RFX8: variants seen among roughly 807,000 people sequenced by gnomAD.
The protein encoded by RFX8 is DNA-binding protein RFX8.
In RFX8, 46 loss-of-function variants were observed where a neutral mutation model predicts 54.6. That is an observed-to-expected ratio of 0.84 (90% confidence interval 0.67 to 1.08). RFX8 has a LOEUF of 1.08. RFX8 is among the 50% of genes least tolerant of loss of function. RFX8 has a pLI of 0.00. For synonymous variants in RFX8, 192 were observed against 209.5 expected (o/e 0.92, Z 0.72); for missense variants, 536 against 562.3 (o/e 0.95, Z 0.47).
intron 9 of RFX8, among the ~76,000 whole-genome samples, chr2:101,406,663 G>C (rs932378641): frequency 2.0e-5 from 3 of 152,120 alleles, no homozygotes; most frequent in Non-Finnish European, 2.9e-5. Flanking sequence ...TTAAAAAAGA[G>C]GTCACTTGTG....
chr2:101,419,722 GTCA>G (rs1430739829), intron 4 of RFX8, among the ~76,000 whole-genome samples: 1 of 152,242 alleles, frequency 6.6e-6, no homozygotes, highest in Non-Finnish European at 1.5e-5. Context: ...CCATGCCTAG[GTCA>G]TCATGGAAGT....
intron 2 of RFX8, among the ~76,000 whole-genome samples, chr2:101,455,981 G>A (rs771156312): frequency 6.6e-6 from 1 of 152,104 alleles, no homozygotes; most frequent in Non-Finnish European, 1.5e-5. Flanking sequence ...TGTAGCAATT[G>A]TGTATGGGAG....
chr2:101,403,449 A>C (rs917291491), intron 10 of RFX8, among the ~76,000 whole-genome samples: 2 of 152,206 alleles, frequency 1.3e-5, no homozygotes, highest in African/African-American at 4.8e-5. Context: ...TTAAAAGATA[A>C]GTTTTAAATA....
chr2:101,456,121 A>G (rs2148979949), intron 2 of RFX8, among the ~76,000 whole-genome samples: 2 of 152,288 alleles, frequency 1.3e-5, no homozygotes, highest in Admixed American at 1.3e-4. Flanking sequence ...GGCTGAGAAG[A>G]TGGGGTTTTC....
At chr2:101,423,841 C>A (rs1010232433) in intron 2 of RFX8, among the ~76,000 whole-genome samples, 2 of 152,134 alleles carry the variant, frequency 1.3e-5, no homozygotes, top group African/African-American at 4.8e-5. Context: ...CTGTGTTTTC[C>A]TCCTCTCCGA....
At chr2:101,466,577 T>G (rs1054039122) in intron 2 of RFX8, among the ~76,000 whole-genome samples, 200 bp downstream of exon 2, 10 of 152,180 alleles carry the variant, frequency 6.6e-5, no homozygotes, top group Admixed American at 2.0e-4. Context: ...GGCCCCTCAC[T>G]ATGAAGTGTG....
intron 2 of RFX8, among the ~76,000 whole-genome samples, chr2:101,446,217 C>T (rs980438337): frequency 3.9e-5 from 6 of 152,040 alleles, no homozygotes; most frequent in African/African-American, 1.4e-4. Context: ...ACTCTGTCAC[C>T]CAGGCTGGAG....
Position 101,417,612 on chromosome 2 carries a change from A to C in RFX8, c.424T>G (p.Phe142Val). ...SIQYLKSVQL[F>V]SKKFKLWLLN... ...AGCCACAGCTTAAATTTCTTACTAA[A>C]TAACTGCACAGATTTCAGGTACTGA... Residue 142 changes from phenylalanine to valine, a missense_variant, in exon 6 of 12, where the codon TTT (phenylalanine) becomes GTT (valine). Transcript: ENST00000428343. 1 of 1,551,648 alleles carries C rather than the reference A, an allele frequency of 6.4e-7. No individual in the cohort carries two copies. Among genetic ancestry groups the C allele is most frequent in the Non-Finnish European group, 8.7e-7 (1 of 1,146,830 alleles).
At chr2:101,472,214 C>A (rs966425389) in intron 1 of RFX8, among the ~76,000 whole-genome samples, 6 of 152,188 alleles carry the variant, frequency 3.9e-5, no homozygotes, top group African/African-American at 1.4e-4. Flanking sequence ...GATTCTTCTG[C>A]CTCAGCCTTC....
At chr2:101,417,993 C>G (rs927312811) in intron 5 of RFX8, among the ~76,000 whole-genome samples, 1 of 152,150 alleles carries the variant, frequency 6.6e-6, no homozygotes, top group Non-Finnish European at 1.5e-5. Flanking sequence ...CGGGTTCAAG[C>G]GATTCCCTAC....
intron 2 of RFX8, among the ~76,000 whole-genome samples, chr2:101,435,283 C>T (rs7602021): frequency 0.73 from 111,729 of 152,142 alleles, 42,477 homozygotes; most frequent in Middle Eastern, 0.88. Flanking sequence ...TAAAGCCGAG[C>T]TGAAAAAGCT....
rs200668088 is a variant in RFX8, at chr2:101,402,445, C to T, written c.1236G>A (p.Met412Ile). Residue 412 changes from methionine to isoleucine, a missense_variant, in exon 11 of 12, where the codon ATG (methionine) becomes ATA (isoleucine). By Grantham distance (10) the Met-to-Ile change is conservative (BLOSUM62 1). Transcript: ENST00000428343. ...GTCCTGGTGTCCCTACCTTATTGCC[C>T]ATGGCAGTGTCCACCAGGAAGCCCA... ...RILGFLVDTA[M>I]GNKLIQVLLE... 4,539 of 1,547,782 alleles carry T rather than the reference C, an allele frequency of 2.9e-3. 7 individuals carry two copies. Among genetic ancestry groups the T allele is most frequent in the Non-Finnish European group, 3.5e-3 (3,979 of 1,143,782 alleles).
In RFX8 at chr2:101,424,351, T is replaced by TAA. The variant is rs1687050269; in HGVS notation, c.73-1881_73-1880dup. Among the ~76,000 whole-genome samples, 2 of 152,154 alleles carry TAA rather than the reference T, an allele frequency of 1.3e-5. 1 individual carries two copies. Among genetic ancestry groups the TAA allele is most frequent in the African/African-American group, 4.8e-5 (2 of 41,414 alleles). On this transcript the variant is annotated intron_variant, in intron 2 of 11. Coordinates refer to ENST00000428343, the MANE Select transcript of RFX8 (RefSeq NM_001145664.2). The stretch of plus-strand genomic sequence containing the variant: ...TCACACCAGTTAGAATGGTGATCAT[T>TAA]AAAAAGTCAGGAAACAACAGGTGCT...
In RFX8 at chr2:101,436,095, G is replaced by A. The variant is rs975028347; in HGVS notation, c.73-13623C>T. On this transcript the variant is annotated intron_variant, in intron 2 of 11. Coordinates refer to ENST00000428343, the MANE Select transcript of RFX8 (RefSeq NM_001145664.2). ...CCCTCTTCTCCCCTCCCCAGCAGACGGGTGTGGAGGGAGGAGCGGGATGTG... is the reference window on the plus strand; with the variant it reads ...CCCTCTTCTCCCCTCCCCAGCAGACAGGTGTGGAGGGAGGAGCGGGATGTG... Among the ~76,000 whole-genome samples the A allele has an allele frequency of 7.2e-5, 11 of 152,278 alleles. 1 individual carries two copies. The highest frequency in any genetic ancestry group is 7.3e-5 in the Non-Finnish European group (5 of 68,036).
intron 1 of RFX8, among the ~76,000 whole-genome samples, chr2:101,469,130 ATATATAAG>A (rs1475176280): frequency 2.6e-4 from 35 of 133,904 alleles, no homozygotes; most frequent in African/African-American, 8.6e-4. Context: ...ATAAGTATAT[ATATATAAG>A]TATATATATA....
At chr2:101,400,777 T>C (rs1313991156) in intron 11 of RFX8, among the ~76,000 whole-genome samples, 2 of 152,186 alleles carry the variant, frequency 1.3e-5, no homozygotes, top group Non-Finnish European at 2.9e-5. Context: ...CAGCCCAGCA[T>C]GAATGCTGGC....
At chr2:101,415,056 C>T in intron 6 of RFX8, 144 bp from the exon 7 acceptor site, 1 of 621,892 alleles carries the variant, frequency 1.6e-6, no homozygotes, top group Non-Finnish European at 2.9e-6. Context: ...TGCTGGCCCT[C>T]TCTGAGTGGC....
At chr2:101,416,414 A>G (rs1380386651) in intron 6 of RFX8, among the ~76,000 whole-genome samples, 1 of 152,180 alleles carries the variant, frequency 6.6e-6, no homozygotes, top group Non-Finnish European at 1.5e-5. Context: ...CAGGGTACCC[A>G]GTGTTAGTAG....
At chr2:101,422,622 C>T (rs1198457622) in intron 2 of RFX8, 150 bp from the exon 3 acceptor site, 2 of 577,928 alleles carry the variant, frequency 3.5e-6, no homozygotes, top group African/African-American at 3.8e-5. Flanking sequence ...CAGCAGCTTT[C>T]CTCTCATATT....
Sources: gnomAD v4.1 joint callset for allele counts (sites outside exome capture counted in the v4.1 genomes callset) on GRCh38, gnomAD v4.1.1 for gene constraint, MANE v1.5 for transcripts, NCBI Gene and HGNC (gene_info 2026-07-23, HGNC 2026-07-21) for gene names.